NETO1: variants seen among roughly 807,000 people sequenced by gnomAD.
NETO1 encodes the protein neuropilin and tolloid like 1, also known as neuropilin and tolloid-like protein 1.
A neutral mutation model predicts 61.3 loss-of-function variants in NETO1; 26 were observed. The observed-to-expected ratio is 0.42, with a 90% confidence interval of 0.31 to 0.59. NETO1 has a LOEUF of 0.59. Ranked by LOEUF, NETO1 falls within the 20% of genes least tolerant of loss-of-function variation. The pLI is 0.12. For synonymous variants in NETO1, 225 were observed against 225.8 expected (o/e 1.00, Z 0.03); for missense variants, 531 against 662.8 (o/e 0.80, Z 2.18).
At chr18:72,785,582 A>G (rs1345219923) in intron 6 of NETO1, among the ~76,000 whole-genome samples, 1 of 152,204 alleles carries the variant, frequency 6.6e-6, no homozygotes, top group East Asian at 1.9e-4. Flanking sequence ...GTACATGTGC[A>G]CAATGTGCAG....
chr18:72,804,609 T>C (rs1232682416), intron 4 of NETO1, among the ~76,000 whole-genome samples: 2 of 152,218 alleles, frequency 1.3e-5, no homozygotes, highest in Admixed American at 6.5e-5. Context: ...TTTCCTTAAC[T>C]GAAATAAGAA....
intron 4 of NETO1, among the ~76,000 whole-genome samples, chr18:72,844,743 T>A (rs1237040733): frequency 1.3e-5 from 2 of 151,606 alleles, no homozygotes; most frequent in Non-Finnish European, 3.0e-5. Context: ...CACTGGAAAT[T>A]TAAAGATGTA....
intron 4 of NETO1, among the ~76,000 whole-genome samples, chr18:72,827,252 G>A (rs2073407785): frequency 6.6e-6 from 1 of 152,078 alleles, no homozygotes; most frequent in Admixed American, 6.5e-5. Flanking sequence ...AAACAACTGA[G>A]GACTTTATGC....
chr18:72,833,179 T>TTGATACATC lies in NETO1; in HGVS notation c.469+25638_469+25646dup, dbSNP rs375051239. ...GAGGAAACTTTGACGCATCTGTATA[T>TTGATACATC]TGATACATCCATACAAAACAGCTTT... On this transcript the variant is annotated intron_variant, in intron 4 of 10. Transcript: ENST00000327305. Among the ~76,000 whole-genome samples, 890 of 152,298 alleles carry TTGATACATC rather than the reference T, an allele frequency of 5.8e-3. 4 individuals carry two copies. Among genetic ancestry groups the TTGATACATC allele is most frequent in the African/African-American group, 0.021 (861 of 41,574 alleles).
At chr18:72,831,950 G>A (rs1488260467) in intron 4 of NETO1, among the ~76,000 whole-genome samples, 1 of 151,532 alleles carries the variant, frequency 6.6e-6, no homozygotes, top group Non-Finnish European at 1.5e-5. Context: ...TCTTGAAAGT[G>A]TTATTCTATA....
chr18:72,769,387 T>G (rs1314565247), intron 7 of NETO1, among the ~76,000 whole-genome samples: 1 of 152,182 alleles, frequency 6.6e-6, no homozygotes, highest in East Asian at 1.9e-4. Context: ...AACATGTCAG[T>G]ATATGGCAAT....
chr18:72,792,269 T>C (rs965936806), intron 6 of NETO1, among the ~76,000 whole-genome samples: 2 of 151,922 alleles, frequency 1.3e-5, no homozygotes, highest in Admixed American at 6.6e-5. Flanking sequence ...CCGTCTCTAA[T>C]AAAAATACAA....
chr18:72,817,871 G>A (rs1193729118), intron 4 of NETO1, among the ~76,000 whole-genome samples: 5 of 152,104 alleles, frequency 3.3e-5, no homozygotes, highest in African/African-American at 9.7e-5. Flanking sequence ...GTTCATACAC[G>A]GTAAACTGCC....
At chr18:72,834,486 G>T in intron 4 of NETO1, 1 of 977,206 alleles carries the variant, frequency 1.0e-6, no homozygotes, top group African/African-American at 1.7e-5. Context: ...TTTAAATTAT[G>T]TGACACTTAA....
At chr18:72,864,530 G>A (rs755895811) in intron 3 of NETO1, among the ~76,000 whole-genome samples, 11 of 152,208 alleles carry the variant, frequency 7.2e-5, no homozygotes, top group Non-Finnish European at 1.5e-4. Context: ...TCTACTGCAT[G>A]AGAACTCTAA....
chr18:72,833,628 G>T (rs2145412022), intron 4 of NETO1, among the ~76,000 whole-genome samples: 1 of 152,174 alleles, frequency 6.6e-6, no homozygotes, highest in African/African-American at 2.4e-5. Flanking sequence ...CCCAACTACA[G>T]GCCTGCCACA....
intron 4 of NETO1, among the ~76,000 whole-genome samples, chr18:72,804,832 T>C (rs1290578097): frequency 6.6e-6 from 1 of 152,172 alleles, no homozygotes; most frequent in Non-Finnish European, 1.5e-5. Context: ...AAACAATAGT[T>C]TTCCCCAAAT....
rs1045506479 is a variant in NETO1, at chr18:72,867,607, C to A, written c.-316G>T. 4 of 233,472 alleles carry A rather than the reference C, an allele frequency of 1.7e-5. No individual in the cohort carries two copies. Among genetic ancestry groups the A allele is most frequent in the Non-Finnish European group, 3.3e-5 (4 of 121,338 alleles). The allele number at this position is 233,472 out of a possible 1,614,324, so 14.5% of individuals were successfully genotyped here. ...CGGCCGCCACCATCCGCGCCGCCGCCGTCAGGACCCTCCTCCCGGGCATCG... is the reference window on the plus strand; with the variant it reads ...CGGCCGCCACCATCCGCGCCGCCGCAGTCAGGACCCTCCTCCCGGGCATCG... On this transcript the variant is annotated 5_prime_UTR_variant, in exon 1 of 11. Coordinates refer to ENST00000327305, the MANE Select transcript of NETO1 (RefSeq NM_138966.5).
chr18:72,821,865 A>C (rs530687785), intron 4 of NETO1, among the ~76,000 whole-genome samples: 2 of 152,348 alleles, frequency 1.3e-5, no homozygotes, highest in East Asian at 3.9e-4. Context: ...ACATAAAAGA[A>C]TCATAATGGG....
At chr18:72,850,621 A>C (rs2074220255) in intron 4 of NETO1, among the ~76,000 whole-genome samples, 1 of 152,230 alleles carries the variant, frequency 6.6e-6, no homozygotes. Flanking sequence ...TAATGAGTTA[A>C]ATGTTAGTCA....
chr18:72,754,271 G>A (rs1286966464), intron 8 of NETO1, among the ~76,000 whole-genome samples: 2 of 151,908 alleles, frequency 1.3e-5, no homozygotes, highest in Admixed American at 1.3e-4. Flanking sequence ...AGAAGGAAAA[G>A]AGAAAAAATA....
At chr18:72,754,890 C>T (rs980205094) in intron 8 of NETO1, among the ~76,000 whole-genome samples, 6 of 152,174 alleles carry the variant, frequency 3.9e-5, no homozygotes, top group Admixed American at 6.5e-5. Flanking sequence ...ACAGCAAATA[C>T]GTATTCTTTT....
chr18:72,841,131 G>A (rs187133965), intron 4 of NETO1, among the ~76,000 whole-genome samples: 218 of 152,288 alleles, frequency 1.4e-3, no homozygotes, highest in African/African-American at 5.0e-3. Flanking sequence ...CAGGCTGATG[G>A]CCAGACTGTG....
At chr18:72,821,816 G>A (rs1419308952) in intron 4 of NETO1, among the ~76,000 whole-genome samples, 1 of 152,084 alleles carries the variant, frequency 6.6e-6, no homozygotes, top group Admixed American at 6.5e-5. Context: ...TATCCTAAGG[G>A]CCATAATCTG....
Sources: gnomAD v4.1 joint callset for allele counts (sites outside exome capture counted in the v4.1 genomes callset) on GRCh38, gnomAD v4.1.1 for gene constraint, MANE v1.5 for transcripts, NCBI Gene and HGNC (gene_info 2026-07-23, HGNC 2026-07-21) for gene names.